JPT1: variants seen among roughly 807,000 people sequenced by gnomAD.
JPT1 encodes the protein androgen-regulated protein 2.
In JPT1, 5 loss-of-function variants were observed where a neutral mutation model predicts 17.0. The observed-to-expected ratio is 0.29, with a 90% CI of 0.15 to 0.62. The LOEUF (loss-of-function observed/expected upper bound fraction) is 0.62, where lower values mean the gene tolerates loss of function less well. JPT1 is among the 20% of genes least tolerant of loss of function. JPT1 has a pLI of 0.85. For missense variants in JPT1, 158 were observed against 188.1 expected (o/e 0.84, Z 0.94); for synonymous variants, 71 against 73.6 (o/e 0.96, Z 0.18).
chr17:75,136,379 AT>A (rs2074198373), intron 4 of JPT1, 129 bp from the exon 5 acceptor site: 1 of 810,082 alleles, frequency 1.2e-6, no homozygotes, highest in Non-Finnish European at 1.9e-6. Context: ...CATAAACAAA[AT>A]AATCACCCAC....
At chr17:75,144,329 A>ATTACACAT (rs1210554069) in intron 4 of JPT1, among the ~76,000 whole-genome samples, 1 of 151,924 alleles carries the variant, frequency 6.6e-6, no homozygotes, top group Non-Finnish European at 1.5e-5. Flanking sequence ...AACATAACAT[A>ATTACACAT]GTGAGACCAC....
At chr17:75,149,034 G>T in intron 1 of JPT1, 3 of 1,279,418 alleles carry the variant, frequency 2.3e-6, no homozygotes, top group Non-Finnish European at 3.0e-6. Context: ...AAGAAGTTTA[G>T]AAGTATTTCT....
intron 4 of JPT1, among the ~76,000 whole-genome samples, chr17:75,144,328 TAGTG>T (rs911309221): frequency 2.0e-5 from 3 of 151,686 alleles, no homozygotes; most frequent in African/African-American, 7.3e-5. Context: ...TAACATAACA[TAGTG>T]AGACCACATC....
At chr17:75,139,430 T>C (rs2074267553) in intron 4 of JPT1, among the ~76,000 whole-genome samples, 1 of 152,136 alleles carries the variant, frequency 6.6e-6, no homozygotes, top group Non-Finnish European at 1.5e-5. Flanking sequence ...CTAGAACTGT[T>C]TTGTTTTTCA....
chr17:75,148,606 GGTT>G lies in JPT1; in HGVS notation c.119_121del (p.Gln40del). ...AGAGGCCATTTTGTTCTTCCTCACA[GGTT>G]GTTCTGTTGGTTCATCAAAACCTAA... On this transcript the variant is annotated inframe_deletion, in exon 2 of 5. Transcript: ENST00000409753. The G allele has an allele frequency of 6.2e-7, 1 of 1,614,136 alleles. No individual in the cohort carries two copies. Among genetic ancestry groups the G allele is most frequent in the Non-Finnish European group, 8.5e-7 (1 of 1,180,002 alleles).
Position 75,136,492 on chromosome 17 carries a change from T to G in JPT1, c.317-242A>C, listed in dbSNP as rs144302983. On this transcript the variant is annotated intron_variant, in intron 4 of 4. Transcript: ENST00000409753. ...CAAATATATAAGGACATGAAGTTTT[T>G]TTTTGTTTTGTTTTGTTTTTTGACG... 8.2e-4 allele frequency among the ~76,000 whole-genome samples: 125 copies of G among 152,254 alleles called. 1 individual carries two copies. Among genetic ancestry groups the G allele is most frequent in the Admixed American group, 2.2e-3 (34 of 15,290 alleles).
rs756066653 is a variant in JPT1, at chr17:75,136,212, T to C, written c.355A>G (p.Ser119Gly). 5 of 1,611,462 alleles carry C rather than the reference T, an allele frequency of 3.1e-6. No individual in the cohort carries two copies. In the South Asian group the frequency reaches 4.4e-5, roughly 14 times the overall value. Residue 119 changes from serine (S) to glycine (G), a missense_variant, in exon 5 of 5, where the codon AGT (serine) becomes GGT (glycine). By Grantham distance (56) the Ser-to-Gly change is moderately conservative. Transcript: ENST00000409753. ...DTDLPGSLGQ[S>G]EEKPVPAAPV... ...GCAGCAGGCACGGGCTTCTCTTCAC[T>C]CTGCCCCAGGCTGCCTGGCAAGTCT...
intron 4 of JPT1, chr17:75,141,380 C>T (rs1052274544): frequency 1.3e-5 from 2 of 152,282 alleles, no homozygotes; most frequent in African/African-American, 4.8e-5. Flanking sequence ...AGGCCGGGCA[C>T]AATAGCTTAC....
intron 4 of JPT1, among the ~76,000 whole-genome samples, chr17:75,141,659 A>G (rs550499895): frequency 1.3e-5 from 2 of 151,754 alleles, no homozygotes; most frequent in African/African-American, 2.4e-5. Flanking sequence ...AAAAAAACAA[A>G]AAGGAAAAAA....
intron 4 of JPT1, among the ~76,000 whole-genome samples, chr17:75,137,529 T>G (rs55816622): frequency 0.01 from 1,168 of 115,748 alleles, 21 homozygotes; most frequent in African/African-American, 0.056. Flanking sequence ...GCTATTTTTG[T>G]TTTTTTTTTT....
chr17:75,146,629 G>C, intron 4 of JPT1, 37 bp downstream of exon 4: 2 of 1,494,294 alleles, frequency 1.3e-6, no homozygotes, highest in Non-Finnish European at 1.8e-6. Context: ...CTAAAACCAT[G>C]GACAGAGCCA....
At chr17:75,150,551 C>T (rs1324150398) in intron 1 of JPT1, among the ~76,000 whole-genome samples, 3 of 152,292 alleles carry the variant, frequency 2.0e-5, no homozygotes, top group East Asian at 3.9e-4. Flanking sequence ...TGCACCTGGC[C>T]TAATTGTTGT....
chr17:75,148,732 T>C (rs1598205746), intron 1 of JPT1, 61 bp from the exon 2 acceptor site: 1 of 1,583,236 alleles, frequency 6.3e-7, no homozygotes, highest in East Asian at 2.2e-5. Context: ...GGCATAAATC[T>C]TTTCAGACAA....
chr17:75,137,347 A>AG (rs1443492832), intron 4 of JPT1, among the ~76,000 whole-genome samples: 2 of 145,796 alleles, frequency 1.4e-5, no homozygotes, highest in Non-Finnish European at 3.0e-5. Context: ...TTTTTTGTGG[A>AG]GGGGTGGGGT....
intron 4 of JPT1, 63 bp downstream of exon 4, chr17:75,146,603 A>G (rs1183772988): frequency 4.8e-6 from 6 of 1,260,866 alleles, no homozygotes; most frequent in Non-Finnish European, 6.7e-6. Flanking sequence ...GATTTAAATC[A>G]AGATTCAGAT....
intron 1 of JPT1, among the ~76,000 whole-genome samples, chr17:75,149,862 T>TAA (rs1555652224): frequency 6.8e-6 from 1 of 147,492 alleles, no homozygotes; most frequent in Non-Finnish European, 1.5e-5. Flanking sequence ...CTTACACACT[T>TAA]ACACACACAC....
At chr17:75,149,313 C>T (rs2145191067) in intron 1 of JPT1, 1 of 282,974 alleles carries the variant, frequency 3.5e-6, no homozygotes, top group South Asian at 2.9e-5. Context: ...TGTGTTCACA[C>T]CGCTGAACTC....
chr17:75,150,847 C>CTT (rs59267123), intron 1 of JPT1, among the ~76,000 whole-genome samples: 49 of 65,918 alleles, frequency 7.4e-4, no homozygotes, highest in East Asian at 1.4e-3. Flanking sequence ...ATTTTTCTTT[C>CTT]TTTTTTTTTT....
At chr17:75,149,104 AC>A (rs1254319155) in intron 1 of JPT1, 3 of 1,208,988 alleles carry the variant, frequency 2.5e-6, no homozygotes, top group Non-Finnish European at 3.3e-6. Context: ...TAATCCCAGC[AC>A]CCTAGGAGGC....
Sources: gnomAD v4.1 joint callset for allele counts (sites outside exome capture counted in the v4.1 genomes callset) on GRCh38, gnomAD v4.1.1 for gene constraint, MANE v1.5 for transcripts, NCBI Gene and HGNC (gene_info 2026-07-23, HGNC 2026-07-21) for gene names.